ZCCHC7: variants seen among roughly 807,000 people sequenced by gnomAD.
The protein encoded by ZCCHC7 is zinc finger CCHC-type containing 7.
ZCCHC7 carries 35 observed loss-of-function variants against 52.0 expected under a neutral mutation model. That is an observed-to-expected ratio of 0.67 (90% confidence interval 0.51 to 0.89). The LOEUF (loss-of-function observed/expected upper bound fraction) is 0.89. Ranked by LOEUF, ZCCHC7 falls within the 40% of genes least tolerant of loss-of-function variation. The pLI is 0.00. For missense variants in ZCCHC7, 574 were observed against 649.1 expected (o/e 0.88, Z 1.26); for synonymous variants, 217 against 221.5 (o/e 0.98, Z 0.18).
intron 2 of ZCCHC7, among the ~76,000 whole-genome samples, chr9:37,236,872 TCATCTCCTG>T (rs1410846260): frequency 6.6e-6 from 1 of 152,228 alleles, no homozygotes; most frequent in Non-Finnish European, 1.5e-5. Flanking sequence ...GAAATATCCT[TCATCTCCTG>T]CATCTCATAA....
chr9:37,315,414 A>G (rs1302164183), intron 5 of ZCCHC7, among the ~76,000 whole-genome samples: 1 of 143,558 alleles, frequency 7.0e-6, no homozygotes, highest in Non-Finnish European at 1.5e-5. Context: ...AAGGCATTCT[A>G]CTAATTGTTG....
chr9:37,252,954 C>A (rs1826401607), intron 2 of ZCCHC7, among the ~76,000 whole-genome samples: 1 of 152,030 alleles, frequency 6.6e-6, no homozygotes, highest in Non-Finnish European at 1.5e-5. Flanking sequence ...TAATTTCACA[C>A]CTTTATTGAA....
At chr9:37,196,545 C>CT (rs1298995754) in intron 2 of ZCCHC7, among the ~76,000 whole-genome samples, 1 of 152,008 alleles carries the variant, frequency 6.6e-6, no homozygotes, top group Non-Finnish European at 1.5e-5. Context: ...AGAACCTATT[C>CT]TTTATAGAGA....
At chr9:37,120,796 C>T in intron 1 of ZCCHC7, 173 bp downstream of exon 1, 1 of 317,186 alleles carries the variant, frequency 3.2e-6, no homozygotes, top group Non-Finnish European at 5.7e-6. Context: ...CTGCGCGCCG[C>T]CCCACGCGGC....
chr9:37,196,507 G>A (rs1170991910), intron 2 of ZCCHC7, among the ~76,000 whole-genome samples: 6 of 152,098 alleles, frequency 3.9e-5, no homozygotes, highest in African/African-American at 1.4e-4. Flanking sequence ...ATTTTTAGTG[G>A]TGCAGCGATT....
At chr9:37,332,573 G>A (rs899982582) in intron 6 of ZCCHC7, among the ~76,000 whole-genome samples, 10 of 150,832 alleles carry the variant, frequency 6.6e-5, no homozygotes, top group African/African-American at 2.2e-4. Flanking sequence ...CATATTTTGA[G>A]TTTAGTAGGA....
chr9:37,200,466 T>C (rs1823575979), intron 2 of ZCCHC7, among the ~76,000 whole-genome samples: 1 of 152,222 alleles, frequency 6.6e-6, no homozygotes, highest in South Asian at 2.1e-4. Context: ...ATCCCAGCTG[T>C]TCTCCATCAC....
intron 2 of ZCCHC7, among the ~76,000 whole-genome samples, chr9:37,300,513 G>A (rs1001331940): frequency 2.0e-5 from 3 of 152,206 alleles, no homozygotes; most frequent in Non-Finnish European, 2.9e-5. Flanking sequence ...ATAATCATCA[G>A]CACAGCATCT....
chr9:37,302,108 T>C, intron 2 of ZCCHC7, 80 bp from the exon 3 acceptor site: 1 of 1,162,822 alleles, frequency 8.6e-7, no homozygotes, highest in Admixed American at 2.0e-5. Context: ...ATTTGAGTAC[T>C]CATAAATTGT....
intron 5 of ZCCHC7, chr9:37,327,593 C>T: frequency 2.2e-6 from 1 of 460,734 alleles, no homozygotes; most frequent in South Asian, 6.0e-5. Flanking sequence ...TACTGGCTTT[C>T]TGACAATGGC....
At chr9:37,235,746 T>C (rs1825621202) in intron 2 of ZCCHC7, among the ~76,000 whole-genome samples, 1 of 151,356 alleles carries the variant, frequency 6.6e-6, no homozygotes, top group Admixed American at 6.6e-5. Context: ...CACACCACCA[T>C]GCCCAGCTAA....
At chr9:37,325,509 C>T (rs1426310248) in intron 5 of ZCCHC7, among the ~76,000 whole-genome samples, 1 of 152,060 alleles carries the variant, frequency 6.6e-6, no homozygotes, top group Non-Finnish European at 1.5e-5. Flanking sequence ...TAGATACATA[C>T]ATTTGGGTGC....
intron 2 of ZCCHC7, among the ~76,000 whole-genome samples, chr9:37,176,559 G>T (rs1822043295): frequency 6.6e-6 from 1 of 151,362 alleles, no homozygotes. Flanking sequence ...AATATATTTT[G>T]GTATATATTA....
At chr9:37,187,992 A>G (rs1208201915) in intron 2 of ZCCHC7, among the ~76,000 whole-genome samples, 1 of 152,176 alleles carries the variant, frequency 6.6e-6, no homozygotes, top group Non-Finnish European at 1.5e-5. Flanking sequence ...ATGCAAGTGA[A>G]ACTTAAGAAT....
intron 2 of ZCCHC7, among the ~76,000 whole-genome samples, chr9:37,291,564 G>T (rs1828537863): frequency 6.6e-6 from 1 of 152,026 alleles, no homozygotes; most frequent in South Asian, 2.1e-4. Flanking sequence ...ATATATGCAG[G>T]GGCGATTAGA....
chr9:37,336,876 C>T (rs1830688693), intron 6 of ZCCHC7, among the ~76,000 whole-genome samples: 1 of 152,146 alleles, frequency 6.6e-6, no homozygotes, highest in Non-Finnish European at 1.5e-5. Context: ...CCTTCTCCAT[C>T]CATGTACTAA....
chr9:37,346,605 G>T (rs1275004105), intron 6 of ZCCHC7, among the ~76,000 whole-genome samples: 1 of 152,204 alleles, frequency 6.6e-6, no homozygotes, highest in Non-Finnish European at 1.5e-5. Context: ...GAGCCCAGGA[G>T]GTGGTGTTGT....
intron 2 of ZCCHC7, among the ~76,000 whole-genome samples, chr9:37,164,569 G>GAAA (rs535133969): frequency 6.2e-4 from 95 of 152,024 alleles, no homozygotes; most frequent in African/African-American, 2.2e-3. Flanking sequence ...GAAAAGAAAA[G>GAAA]AGAGAAGAGA....
chr9:37,347,912 T>C (rs1277697589), intron 6 of ZCCHC7, among the ~76,000 whole-genome samples: 1 of 152,230 alleles, frequency 6.6e-6, no homozygotes, highest in Non-Finnish European at 1.5e-5. Context: ...CTCTAAAGTC[T>C]GTTACTGTAT....
Sources: gnomAD v4.1 joint callset for allele counts (sites outside exome capture counted in the v4.1 genomes callset) on GRCh38, gnomAD v4.1.1 for gene constraint, MANE v1.5 for transcripts, NCBI Gene and HGNC (gene_info 2026-07-23, HGNC 2026-07-21) for gene names.